ACP3: variants seen among roughly 807,000 people sequenced by gnomAD.
ACP3 encodes prostatic acid phosphatase.
In ACP3, 38 loss-of-function variants were observed where a neutral mutation model predicts 45.6. That is an observed-to-expected ratio of 0.83 (90% CI 0.64 to 1.09). The LOEUF is 1.09. Among genes scored for constraint, ACP3 ranks in the 50% least tolerant of loss-of-function variants. The pLI is 0.00. For synonymous variants in ACP3, 162 were observed against 164.7 expected (o/e 0.98, Z 0.13); for missense variants, 466 against 463.2 (o/e 1.01, Z -0.05).
In ACP3 at chr3:132,356,815, A is replaced by G. The variant is rs774508208; in HGVS notation, c.1098A>G (p.Gln366=). The G allele has an allele frequency of 5.0e-6, 8 of 1,614,182 alleles. No homozygotes were observed. The Admixed American group carries it at 1.2e-4, about 24-fold the overall frequency. Residue 366 remains glutamine, a synonymous_variant, in exon 10 of 10, where the codon CAA becomes CAG. Transcript: ENST00000336375. The part of the protein sequence containing the change: ...FAELVGPVIP[Q]DWSTECMTTN... ...AGCTGGTTGGCCCTGTGATCCCTCA[A>G]GACTGGTCCACGGAGTGTATGACCA...
chr3:132,358,354 G>T lies in ACP3; in HGVS notation c.*1476G>T. 1 of 1,164,632 alleles carries T rather than the reference G, an allele frequency of 8.6e-7. No individual in the cohort carries two copies. The highest frequency in any genetic ancestry group is 1.1e-6 in the Non-Finnish European group (1 of 915,800). The allele number at this position is 1,164,632 out of a possible 1,614,324, so 72.1% of individuals were successfully genotyped here. On this transcript the variant is annotated 3_prime_UTR_variant, in exon 10 of 10. Coordinates refer to ENST00000336375, the MANE Select transcript of ACP3 (RefSeq NM_001099.5). ...AGTGTGGTTACGAAATACGTTAGGA[G>T]GACAAAAGGAATGTGTAAGTCTTTA...
chr3:132,339,310 T>G (rs1266792116), intron 5 of ACP3, among the ~76,000 whole-genome samples: 1 of 152,250 alleles, frequency 6.6e-6, no homozygotes, highest in Non-Finnish European at 1.5e-5. Context: ...GACAGAAGAC[T>G]TCTGTGACCA....
chr3:132,357,167 T>G lies in ACP3; in HGVS notation c.*289T>G. 1 of 1,091,478 alleles carries G rather than the reference T, an allele frequency of 9.2e-7. No homozygotes were observed. Among genetic ancestry groups the G allele is most frequent in the Non-Finnish European group, 1.1e-6 (1 of 896,270 alleles). 67.6% of individuals were successfully genotyped at this position (1,091,478 alleles called of 1,614,324 possible). ...AAGCTTAGGTCAAAGTTCATAGAGT[T>G]CCCATGAACTATATGACTGGCCACA... On this transcript the variant is annotated 3_prime_UTR_variant, in exon 10 of 10. Coordinates refer to ENST00000336375, the MANE Select transcript of ACP3 (RefSeq NM_001099.5).
chr3:132,357,738 TA>T lies in ACP3; in HGVS notation c.*863del. On this transcript the variant is annotated 3_prime_UTR_variant, in exon 10 of 10. Coordinates refer to ENST00000336375, the MANE Select transcript of ACP3 (RefSeq NM_001099.5). Reference sequence around the variant, plus strand: ...CTCCAGTGATAAGAGATGTTGACTCTAAAGTTGATTTAAGGCCAGGCATGGT... The same window carrying T: ...CTCCAGTGATAAGAGATGTTGACTCTAAGTTGATTTAAGGCCAGGCATGGT... The T allele has an allele frequency of 2.0e-6, 2 of 985,340 alleles. No homozygotes were observed. Among genetic ancestry groups the T allele is most frequent in the Non-Finnish European group, 2.4e-6 (2 of 829,878 alleles). 61.0% of individuals were successfully genotyped at this position (985,340 alleles called of 1,614,324 possible). A position where few individuals can be genotyped will look rare whatever the true frequency, so the allele number is the denominator to read the frequency against.
intron 4 of ACP3, chr3:132,337,206 A>C (rs1937506833): frequency 1.5e-5 from 5 of 338,218 alleles, no homozygotes; most frequent in Non-Finnish European, 2.2e-5. Flanking sequence ...CCAACAGCTC[A>C]GTTATATTAT....
intron 1 of ACP3, among the ~76,000 whole-genome samples, chr3:132,325,619 C>CACACACACACA (rs1308503169): frequency 6.6e-6 from 1 of 151,388 alleles, no homozygotes; most frequent in Non-Finnish European, 1.5e-5. Context: ...CACACACACA[C>CACACACACACA]CCCTTCCAAT....
rs2107788720 is a variant in ACP3 at position 132,317,503 on chromosome 3, T to C, written c.47T>C (p.Leu16Pro). Reference protein sequence around the residue: ...LLLARAASLSLGFLFLLFFWL... With the variant: ...LLLARAASLSPGFLFLLFFWL... ...CTGGCCAGGGCAGCAAGCCTTAGCC[T>C]TGGCTTCTTGTTTCTGCTTTTTTTC... The change falls in exon 1 of 10, where the codon CTT becomes CCT. Residue 16 changes from leucine (L) to proline (P), a missense_variant. Leu to Pro is a moderately conservative substitution (Grantham distance 98). Coordinates refer to ENST00000336375, the MANE Select transcript of ACP3 (RefSeq NM_001099.5). The C allele has an allele frequency of 6.2e-7, 1 of 1,613,754 alleles. No homozygotes were observed. The highest frequency in any genetic ancestry group is 1.1e-5 in the South Asian group (1 of 90,970).
At position 132,349,179 on chromosome 3, in the gene ACP3, A is replaced by G. The variant is rs116259264; in HGVS notation, c.782-741A>G. 1.6e-3 allele frequency among the ~76,000 whole-genome samples: 244 copies of G among 152,288 alleles called. 1 individual carries two copies. Among genetic ancestry groups the G allele is most frequent in the African/African-American group, 5.7e-3 (235 of 41,572 alleles). On this transcript the variant is annotated intron_variant, in intron 7 of 9. Coordinates refer to ENST00000336375, the MANE Select transcript of ACP3 (RefSeq NM_001099.5). ...ACCCCACAGCCCTCAGTGCCTAGAA[A>G]TAGGATAAATACTGTAAGCTCTATA...
downstream of ACP3, among the ~76,000 whole-genome samples, chr3:132,359,656 G>A (rs566883892): frequency 2.0e-4 from 31 of 152,060 alleles, no homozygotes; most frequent in Admixed American, 7.9e-4. Flanking sequence ...ACCTCCTCTT[G>A]TAAATCTACC....
intron 1 of ACP3, among the ~76,000 whole-genome samples, chr3:132,320,398 CA>C (rs1452495336): frequency 6.6e-6 from 1 of 152,172 alleles, no homozygotes; most frequent in Non-Finnish European, 1.5e-5. Context: ...ATTTCCCACA[CA>C]CACCCACTTG....
At chr3:132,350,973 G>C (rs1937720799) in intron 8 of ACP3, among the ~76,000 whole-genome samples, 1 of 152,226 alleles carries the variant, frequency 6.6e-6, no homozygotes, top group Non-Finnish European at 1.5e-5. Flanking sequence ...AAGTGAGCCA[G>C]GTTACAAGAA....
exon 11 of ACP3, chr3:132,367,979 AGGCTGCTGCTG>A: frequency 4.7e-6 from 3 of 632,548 alleles, no homozygotes; most frequent in Admixed American, 2.6e-5. Context: ...AGTGACCCAC[AGGCTGCTGCTG>A]GATGAACACT....
intron 1 of ACP3, among the ~76,000 whole-genome samples, chr3:132,320,237 T>C (rs1030186447): frequency 6.6e-6 from 1 of 152,198 alleles, no homozygotes; most frequent in Non-Finnish European, 1.5e-5. Flanking sequence ...CTCCCTCTTT[T>C]TTTCCCCAAT....
At chr3:132,324,038 C>T (rs933856698) in intron 1 of ACP3, among the ~76,000 whole-genome samples, 1 of 151,872 alleles carries the variant, frequency 6.6e-6, no homozygotes, top group African/African-American at 2.4e-5. Context: ...GCCAACATGG[C>T]GAAACCCCGT....
intron 6 of ACP3, among the ~76,000 whole-genome samples, chr3:132,344,597 C>A (rs1937587458): frequency 6.6e-6 from 1 of 152,182 alleles, no homozygotes; most frequent in Admixed American, 6.5e-5. Flanking sequence ...TTAACTCTGT[C>A]AGGTTCATAG....
chr3:132,341,805 T>C (rs1372778258), intron 5 of ACP3, among the ~76,000 whole-genome samples: 1 of 152,222 alleles, frequency 6.6e-6, no homozygotes, highest in Admixed American at 6.5e-5. Context: ...TATGAAAATC[T>C]ATTGAGGTTA....
chr3:132,341,195 C>T (rs73001179), intron 5 of ACP3, among the ~76,000 whole-genome samples: 1,723 of 152,136 alleles, frequency 0.011, 35 homozygotes, highest in African/African-American at 0.038. Flanking sequence ...GTGTTGGTAG[C>T]GGGTATTCTT....
Position 132,345,126 on chromosome 3 carries a change from C to T in ACP3, c.781+67C>T, listed in dbSNP as rs59985865. 4,605 of 1,411,612 alleles carry T rather than the reference C, an allele frequency of 3.3e-3. 122 individuals carry two copies. In the African/African-American group the frequency reaches 0.056, roughly 17 times the overall value. 87.4% of individuals were successfully genotyped at this position (1,411,612 alleles called of 1,614,324 possible). A position where few individuals can be genotyped will look rare whatever the true frequency, so the allele number is the denominator to read the frequency against. Reference sequence around the variant, plus strand: ...TGAATGATCCAGGTCTGAGTCATTCCCTCCACTAATCAACTGTGTGATCTC... The same window carrying T: ...TGAATGATCCAGGTCTGAGTCATTCTCTCCACTAATCAACTGTGTGATCTC... On this transcript the variant is annotated intron_variant, in intron 7 of 9. Transcript: ENST00000336375.
chr3:132,359,777 T>G (rs1286927485), downstream of ACP3, among the ~76,000 whole-genome samples: 1 of 152,160 alleles, frequency 6.6e-6, no homozygotes, highest in Non-Finnish European at 1.5e-5. Context: ...ATGTAAGGGT[T>G]GATGTGCTGC....
Sources: allele counts gnomAD v4.1 joint callset (sites outside exome capture counted in the v4.1 genomes callset), GRCh38; gene constraint gnomAD v4.1.1; transcripts MANE v1.5; gene names NCBI Gene and HGNC (gene_info 2026-07-23, HGNC 2026-07-21).